ANGPT1: variants seen among roughly 807,000 people sequenced by gnomAD.
ANGPT1 encodes angiopoietin 1, also known as angiopoietin-1.
ANGPT1 carries 17 observed loss-of-function variants against 62.2 expected under a neutral mutation model. That is an observed-to-expected ratio of 0.27 (90% CI 0.19 to 0.41). ANGPT1 has a LOEUF of 0.41. ANGPT1 is among the 10% of genes least tolerant of loss of function. The pLI is 1.00. For missense variants in ANGPT1, 478 were observed against 594.9 expected, an observed-to-expected ratio of 0.80 and a Z score of 2.04; for synonymous variants, 199 against 198.9, an observed-to-expected ratio of 1.00 and a Z score of 0.00.
chr8:107,359,211 C>T (rs1038734750), intron 1 of ANGPT1, among the ~76,000 whole-genome samples: 8 of 152,174 alleles, frequency 5.3e-5, no homozygotes, highest in Admixed American at 3.3e-4. Context: ...TGACTTACTC[C>T]GAAGAGAGGA....
intron 1 of ANGPT1, among the ~76,000 whole-genome samples, chr8:107,459,489 AAACAACAAC>A (rs139781448): frequency 0.25 from 37,256 of 149,808 alleles, 4,748 homozygotes; most frequent in East Asian, 0.45. Context: ...ACTCCTTATC[AAACAACAAC>A]AACAACAACA....
At chr8:107,338,000 G>A (rs1317732028) in intron 2 of ANGPT1, among the ~76,000 whole-genome samples, 2 of 152,166 alleles carry the variant, frequency 1.3e-5, no homozygotes, top group East Asian at 1.9e-4. Context: ...GGAGGCTAAG[G>A]AAGGAGAATC....
chr8:107,302,381 A>G (rs1814613196), intron 5 of ANGPT1, among the ~76,000 whole-genome samples: 1 of 151,904 alleles, frequency 6.6e-6, no homozygotes, highest in African/African-American at 2.4e-5. Context: ...CTGAAGAGCA[A>G]GGTTCTTGCC....
intron 1 of ANGPT1, among the ~76,000 whole-genome samples, chr8:107,378,736 TCTC>T (rs1190527548): frequency 1.3e-5 from 2 of 152,094 alleles, no homozygotes; most frequent in African/African-American, 2.4e-5. Context: ...CCTTGGCACT[TCTC>T]CTAACTGTGG....
chr8:107,321,182 T>TA (rs1387329569), intron 4 of ANGPT1, among the ~76,000 whole-genome samples: 1 of 152,000 alleles, frequency 6.6e-6, no homozygotes, highest in African/African-American at 2.4e-5. Context: ...GATGGATGGA[T>TA]AGACAGATGT....
intron 7 of ANGPT1, among the ~76,000 whole-genome samples, chr8:107,265,496 G>C (rs1813591535): frequency 6.6e-6 from 1 of 152,184 alleles, no homozygotes; most frequent in Non-Finnish European, 1.5e-5. Context: ...GCTTAGAGTA[G>C]CTAAACTGAA....
chr8:107,270,791 T>A (rs976293354), intron 7 of ANGPT1, among the ~76,000 whole-genome samples: 3 of 151,948 alleles, frequency 2.0e-5, no homozygotes, highest in Non-Finnish European at 4.4e-5. Flanking sequence ...AGTGAATATA[T>A]TAAAGACATT....
intron 1 of ANGPT1, among the ~76,000 whole-genome samples, chr8:107,361,242 T>A (rs1046230293): frequency 6.6e-6 from 1 of 151,990 alleles, no homozygotes; most frequent in African/African-American, 2.4e-5. Flanking sequence ...CAATCAATAT[T>A]CAAACAAGCC....
At chr8:107,368,364 C>T (rs745798092) in intron 1 of ANGPT1, among the ~76,000 whole-genome samples, 18 of 152,110 alleles carry the variant, frequency 1.2e-4, no homozygotes, top group Non-Finnish European at 2.4e-4. Context: ...CTGTCATTCA[C>T]GCTGTTTGGT....
chr8:107,261,734 T>G (rs76704951), intron 8 of ANGPT1, among the ~76,000 whole-genome samples: 3,196 of 150,724 alleles, frequency 0.021, 100 homozygotes, highest in African/African-American at 0.074. Flanking sequence ...AGAAAGAATA[T>G]GATAGAATAT....
chr8:107,388,487 TGAAAG>T (rs1167654111), intron 1 of ANGPT1, among the ~76,000 whole-genome samples: 1 of 152,142 alleles, frequency 6.6e-6, no homozygotes, highest in Non-Finnish European at 1.5e-5. Flanking sequence ...TCAATATACC[TGAAAG>T]GAGTCAGGTT....
intron 1 of ANGPT1, among the ~76,000 whole-genome samples, chr8:107,430,387 C>T (rs559800316): frequency 4.0e-4 from 61 of 152,310 alleles, no homozygotes; most frequent in African/African-American, 1.4e-3. Flanking sequence ...TTTACTATCA[C>T]TTTTGGTTCA....
At chr8:107,436,143 C>T (rs1486250316) in intron 1 of ANGPT1, among the ~76,000 whole-genome samples, 1 of 152,140 alleles carries the variant, frequency 6.6e-6, no homozygotes, top group Non-Finnish European at 1.5e-5. Flanking sequence ...TGAGCACTAG[C>T]AATCCCCCTG....
At chr8:107,485,082 A>G (rs1358211358) in intron 1 of ANGPT1, among the ~76,000 whole-genome samples, 1 of 152,226 alleles carries the variant, frequency 6.6e-6, no homozygotes, top group Non-Finnish European at 1.5e-5. Context: ...ATTCAGCATT[A>G]GCACAAGTAT....
intron 1 of ANGPT1, among the ~76,000 whole-genome samples, chr8:107,366,096 T>A (rs555952877): frequency 6.6e-6 from 1 of 152,344 alleles, no homozygotes; most frequent in Admixed American, 6.5e-5. Context: ...TACAAAACAC[T>A]GAATTGGAAA....
intron 4 of ANGPT1, among the ~76,000 whole-genome samples, 191 bp from the exon 5 acceptor site, chr8:107,303,558 A>C (rs2129981498): frequency 7.3e-6 from 1 of 137,268 alleles, no homozygotes; most frequent in Non-Finnish European, 1.6e-5. Context: ...AAAAAACTGA[A>C]GGAAAAAGCT....
At chr8:107,299,198 A>ATTATCG (rs1382886198) in intron 5 of ANGPT1, among the ~76,000 whole-genome samples, 2 of 151,424 alleles carry the variant, frequency 1.3e-5, no homozygotes, top group African/African-American at 2.4e-5. Context: ...TACAATTTCA[A>ATTATCG]TTATCGTTAA....
intron 1 of ANGPT1, among the ~76,000 whole-genome samples, chr8:107,480,924 T>C (rs1312190204): frequency 3.3e-5 from 5 of 151,910 alleles, no homozygotes; most frequent in Admixed American, 2.6e-4. Flanking sequence ...AAAGAAAGAG[T>C]GGACCAGTCA....
chr8:107,331,422 AC>A (rs1278350364), intron 3 of ANGPT1, among the ~76,000 whole-genome samples: 5 of 152,166 alleles, frequency 3.3e-5, no homozygotes, highest in Admixed American at 3.3e-4. Flanking sequence ...CAACTGGTCT[AC>A]CCCTTTCTTC....
Sources: allele counts gnomAD v4.1 joint callset (sites outside exome capture counted in the v4.1 genomes callset), GRCh38; gene constraint gnomAD v4.1.1; transcripts MANE v1.5; gene names NCBI Gene and HGNC (gene_info 2026-07-23, HGNC 2026-07-21).